The following MYT1L variants were observed in gnomAD, a reference collection of about 807,000 sequenced individuals.
The protein encoded by MYT1L is myelin transcription factor 1-like protein.
In MYT1L, 12 loss-of-function variants were observed where a neutral mutation model predicts 126.7. That is an observed-to-expected ratio of 0.09 (90% confidence interval 0.06 to 0.15). The LOEUF (loss-of-function observed/expected upper bound fraction) is 0.15. MYT1L is among the 10% of genes least tolerant of loss of function. The pLI is 1.00. For missense variants in MYT1L, 979 were observed against 1,585.2 expected (o/e 0.62, Z 6.49); for synonymous variants, 541 against 604.2 (o/e 0.90, Z 1.53).
Position 1,912,528 on chromosome 2 carries a change from A to G in MYT1L, c.1619-418T>C, listed in dbSNP as rs1486095971. ...CAAGCATGGAGTATTGATTAGCCAT[A>G]GAACAACACAGAGGCTGGGGATTTT... On this transcript the variant is annotated intron_variant, in intron 11 of 24. Coordinates refer to ENST00000647738, the MANE Select transcript of MYT1L (RefSeq NM_001303052.2). This position sits in a 1 kb window ranked among gnomAD's most constrained non-coding sequence, Gnocchi z 4.3. Among the ~76,000 whole-genome samples, 1 of 152,234 alleles carries G rather than the reference A, an allele frequency of 6.6e-6. No homozygotes were observed.
intron 19 of MYT1L, among the ~76,000 whole-genome samples, chr2:1,843,318 C>G (rs1372808227): frequency 6.6e-6 from 1 of 152,194 alleles, no homozygotes; most frequent in Admixed American, 6.5e-5. Flanking sequence ...CTGCGGTTCC[C>G]CAATTCCTAG....
At chr2:2,267,151 G>A (rs1559502930) in intron 2 of MYT1L, among the ~76,000 whole-genome samples, 1 of 152,164 alleles carries the variant, frequency 6.6e-6, no homozygotes, top group Non-Finnish European at 1.5e-5. Context: ...AGCAGCTGAC[G>A]TCTGGGCAAA....
chr2:1,976,817 G>A (rs545561916), intron 8 of MYT1L, among the ~76,000 whole-genome samples: 14 of 152,082 alleles, frequency 9.2e-5, no homozygotes, highest in South Asian at 4.2e-4. Flanking sequence ...CTTAGAAAAC[G>A]CTCAGTGAGA....
chr2:2,313,852 C>A (rs548277266), intron 1 of MYT1L, among the ~76,000 whole-genome samples: 1 of 152,232 alleles, frequency 6.6e-6, no homozygotes, highest in East Asian at 1.9e-4. Context: ...TTACTTATCT[C>A]GATACATACG....
At chr2:1,792,098 C>T in intron 24 of MYT1L, 91 bp from the exon 25 acceptor site, 1 of 1,237,360 alleles carries the variant, frequency 8.1e-7, no homozygotes, top group Non-Finnish European at 1.1e-6. Flanking sequence ...AGCATAGTGC[C>T]CCTGGTTTTA....
At chr2:1,845,524 C>A (rs1034328693) in intron 19 of MYT1L, among the ~76,000 whole-genome samples, 3 of 152,142 alleles carry the variant, frequency 2.0e-5, no homozygotes, top group African/African-American at 7.2e-5. Context: ...CCCTCTTTAG[C>A]GCCTGCCTTC....
In MYT1L at chr2:1,922,799, G is replaced by A. The variant is rs750091244; in HGVS notation, c.970C>T (p.Leu324=). 6.8e-6 allele frequency: 11 copies of A among 1,613,970 alleles called. No individual in the cohort carries two copies. In the Admixed American group the frequency reaches 1.8e-4, roughly 27 times the overall value. The change falls in exon 10 of 25, where the codon CTG becomes TTG. Residue 324 remains leucine (L), a synonymous_variant. Transcript: ENST00000647738. The surrounding 1 kb of genome is among the most constrained non-coding windows in gnomAD (Gnocchi z 7.4). The part of the protein sequence containing the change: ...MVEESDEEVC[L]SSLECLRNQC... Reference sequence around the variant, plus strand: ...TTCCTCAAACACTCCAGACTGCTCAGACACACCTCCTCATCGCTCTCCTCC... The same window carrying A: ...TTCCTCAAACACTCCAGACTGCTCAAACACACCTCCTCATCGCTCTCCTCC...
intron 18 of MYT1L, among the ~76,000 whole-genome samples, chr2:1,861,568 T>TG (rs934599290): frequency 6.6e-5 from 10 of 151,916 alleles, no homozygotes; most frequent in Admixed American, 2.0e-4. Flanking sequence ...AATCGGGGTT[T>TG]GGGGGGGTGT....
chr2:2,306,096 C>T (rs904052852), intron 1 of MYT1L: 1 of 152,124 alleles, frequency 6.6e-6, no homozygotes, highest in Non-Finnish European at 1.5e-5. Context: ...GCCATGAACC[C>T]GAGTGTGAAG....
At chr2:2,187,798 A>G (rs750724465) in intron 2 of MYT1L, among the ~76,000 whole-genome samples, 7 of 152,048 alleles carry the variant, frequency 4.6e-5, no homozygotes, top group Non-Finnish European at 8.8e-5. Flanking sequence ...GCATTTCCCA[A>G]AGGCTCCCAC....
At chr2:2,298,047 G>A (rs2095723092) in intron 1 of MYT1L, among the ~76,000 whole-genome samples, 1 of 152,200 alleles carries the variant, frequency 6.6e-6, no homozygotes, top group African/African-American at 2.4e-5. Context: ...CCCTTAACTT[G>A]CTCAGCCCCT....
intron 3 of MYT1L, among the ~76,000 whole-genome samples, chr2:2,061,332 C>T (rs1449218903): frequency 6.6e-6 from 1 of 152,172 alleles, no homozygotes; most frequent in Non-Finnish European, 1.5e-5. Flanking sequence ...GGGGCTTAAC[C>T]TCTGGTGACT....
chr2:2,199,281 T>G (rs138841686), intron 2 of MYT1L, among the ~76,000 whole-genome samples: 260 of 152,326 alleles, frequency 1.7e-3, no homozygotes, highest in South Asian at 0.011. Flanking sequence ...AATGCCAATT[T>G]CTAAAGTTAA....
chr2:2,298,481 G>A (rs963132895), intron 1 of MYT1L, among the ~76,000 whole-genome samples: 8 of 152,190 alleles, frequency 5.3e-5, no homozygotes, highest in African/African-American at 1.9e-4. Flanking sequence ...ATGCCATGAA[G>A]AAGCAGGCCA....
intron 3 of MYT1L, among the ~76,000 whole-genome samples, chr2:2,082,353 G>A (rs1325762455): frequency 6.6e-6 from 1 of 152,186 alleles, no homozygotes; most frequent in Non-Finnish European, 1.5e-5. Flanking sequence ...TACCATAAAA[G>A]TTAAGTCAAA....
At chr2:2,155,046 G>A (rs934722481) in intron 3 of MYT1L, among the ~76,000 whole-genome samples, 1 of 152,188 alleles carries the variant, frequency 6.6e-6, no homozygotes, top group South Asian at 2.1e-4. Flanking sequence ...AGAATCTCTT[G>A]AACCTGGGAG....
chr2:1,999,455 T>C (rs1486095760), intron 4 of MYT1L, among the ~76,000 whole-genome samples: 3 of 152,314 alleles, frequency 2.0e-5, no homozygotes, highest in East Asian at 1.9e-4. Flanking sequence ...GAAGCTGGAA[T>C]TGACACAGTT....
chr2:1,920,890 G>A (rs2053487732), intron 10 of MYT1L, among the ~76,000 whole-genome samples: 2 of 152,204 alleles, frequency 1.3e-5, no homozygotes, highest in East Asian at 1.9e-4. Flanking sequence ...TAACAACACT[G>A]CAACGGGCAA....
chr2:2,013,299 C>T (rs1413641878), intron 4 of MYT1L, among the ~76,000 whole-genome samples: 1 of 152,124 alleles, frequency 6.6e-6, no homozygotes, highest in South Asian at 2.1e-4. Context: ...AGGCTTCCCT[C>T]GAATGACGCA....
Sources: gnomAD v4.1 joint callset for allele counts (sites outside exome capture counted in the v4.1 genomes callset) on GRCh38, gnomAD v4.1.1 for gene constraint, Gnocchi (gnomAD v3.1) non-coding constraint, MANE v1.5 for transcripts, NCBI Gene and HGNC (gene_info 2026-07-23, HGNC 2026-07-21) for gene names.